The following TUBE1 variants were observed in gnomAD, a reference collection of about 807,000 sequenced individuals.
TUBE1 encodes tubulin epsilon chain.
Under a neutral mutation model 53.5 loss-of-function variants are expected in TUBE1, and 34 were observed. The ratio of observed to expected loss-of-function variants is 0.64; its 90% CI spans 0.48 to 0.85. The LOEUF is 0.85. Among genes scored for constraint, TUBE1 ranks in the 40% least tolerant of loss-of-function variants. TUBE1 has a pLI of 0.00. For synonymous variants in TUBE1, 177 were observed against 198.4 expected (o/e 0.89, Z 0.91); for missense variants, 532 against 570.5 (o/e 0.93, Z 0.69).
chr6:112,083,458 A>G (rs1219144393), intron 4 of TUBE1, among the ~76,000 whole-genome samples: 2 of 151,740 alleles, frequency 1.3e-5, no homozygotes, highest in East Asian at 1.9e-4. Flanking sequence ...AGCTAGGACT[A>G]CAGGTGCCCG....
At chr6:112,079,861 T>C (rs991726371) in intron 5 of TUBE1, 107 bp from the exon 6 acceptor site, 5 of 1,060,510 alleles carry the variant, frequency 4.7e-6, no homozygotes, top group Non-Finnish European at 6.8e-6. Flanking sequence ...AGTATTCTTA[T>C]TGAGCTAAGT....
intron 3 of TUBE1, 86 bp from the exon 4 acceptor site, chr6:112,084,332 T>C (rs1441446819): frequency 3.7e-6 from 4 of 1,093,940 alleles, no homozygotes. Flanking sequence ...TCCATTTATA[T>C]AATAAGACTG....
At chr6:112,084,014 T>A (rs587693894) in intron 4 of TUBE1, 175 bp downstream of exon 4, 3 of 597,738 alleles carry the variant, frequency 5.0e-6, no homozygotes, top group African/African-American at 3.7e-5. Context: ...GTATGGGCTT[T>A]TCCCCCTAAT....
At position 112,084,326 on chromosome 6, in the gene TUBE1, T is replaced by C. The variant is rs1777116429; in HGVS notation, c.153-80A>G. ...TATCAGGTGATAAAGTTAACTTCCA[T>C]TTATATAATAAGACTGCTTATAGGC... On this transcript the variant is annotated intron_variant, in intron 3 of 11. Transcript: ENST00000368662. 2.6e-6 allele frequency: 3 copies of C among 1,170,516 alleles called. No homozygotes were observed. The South Asian group carries it at 3.8e-5, about 15-fold the overall frequency. 72.5% of individuals were successfully genotyped at this position (1,170,516 alleles called of 1,614,324 possible).
intron 7 of TUBE1, 48 bp from the exon 8 acceptor site, chr6:112,076,160 G>A (rs782111131): frequency 6.5e-7 from 1 of 1,534,104 alleles, no homozygotes; most frequent in South Asian, 1.2e-5. Context: ...AAGAGTGGAT[G>A]TAGATGATAT....
intron 5 of TUBE1, among the ~76,000 whole-genome samples, 156 bp downstream of exon 5, chr6:112,080,936 G>C (rs1210282553): frequency 6.6e-6 from 1 of 151,996 alleles, no homozygotes; most frequent in Non-Finnish European, 1.5e-5. Flanking sequence ...GTAAATACAG[G>C]TGGCTTCCAA....
rs1303391047 is a variant in TUBE1 at position 112,070,934 on chromosome 6, T to C, written c.*478A>G. On this transcript the variant is annotated 3_prime_UTR_variant, in exon 12 of 12. Coordinates refer to ENST00000368662, the MANE Select transcript of TUBE1 (RefSeq NM_016262.5). ...AGAAGCAAAACCTCCTTAACAGTTG[T>C]AATAAAACCTATGCCTGAAAAGTTG... The C allele has an allele frequency of 6.6e-6, 1 of 152,176 alleles. No individual in the cohort carries two copies. The highest frequency in any genetic ancestry group is 2.4e-5 in the African/African-American group (1 of 41,466). 9.4% of individuals were successfully genotyped at this position (152,176 alleles called of 1,614,324 possible).
chr6:112,082,946 C>T (rs1032813897), intron 4 of TUBE1, among the ~76,000 whole-genome samples: 2 of 151,870 alleles, frequency 1.3e-5, no homozygotes, highest in Non-Finnish European at 2.9e-5. Flanking sequence ...AGTACCTTCT[C>T]GGAAAAAAAG....
Position 112,071,564 on chromosome 6 carries a change from G to C in TUBE1, c.1276C>G (p.Leu426Val). The C allele has an allele frequency of 6.2e-7, 1 of 1,603,660 alleles. No homozygotes were observed. Among genetic ancestry groups the C allele is most frequent in the East Asian group, 2.2e-5 (1 of 44,792 alleles). The change falls in exon 12 of 12, where the codon CTT (leucine) becomes GTT (valine). Residue 426 changes from leucine (L) to valine (V), a missense_variant. Coordinates refer to ENST00000368662, the MANE Select transcript of TUBE1 (RefSeq NM_016262.5). Reference sequence around the variant, plus strand: ...CCTTCAACTTGTAGATAGTGATGAAGGTGAGCCTATAAATTAAAAAATTAG... The same window carrying C: ...CCTTCAACTTGTAGATAGTGATGAACGTGAGCCTATAAATTAAAAAATTAG... ...FMRLYKKKAH[L>V]HHYLQVEGME...
At chr6:112,086,360 T>A (rs1453745599) in intron 3 of TUBE1, among the ~76,000 whole-genome samples, 196 bp downstream of exon 3, 1 of 152,194 alleles carries the variant, frequency 6.6e-6, no homozygotes, top group Admixed American at 6.5e-5. Flanking sequence ...GAAGTCACAC[T>A]AAAGGGAAAT....
intron 1 of TUBE1, 50 bp from the exon 2 acceptor site, chr6:112,087,356 C>T (rs1777182425): frequency 6.4e-7 from 1 of 1,551,444 alleles, no homozygotes; most frequent in Non-Finnish European, 8.7e-7. Context: ...AAGCAGGAAA[C>T]ATGGCCGCTG....
chr6:112,086,462 G>C, intron 3 of TUBE1, 94 bp downstream of exon 3: 1 of 810,564 alleles, frequency 1.2e-6, no homozygotes, highest in Non-Finnish European at 1.9e-6. Context: ...ACACAACTTC[G>C]CAGCTGGCTA....
At chr6:112,076,172 CT>C (rs775973114) in intron 7 of TUBE1, 60 bp from the exon 8 acceptor site, 50 of 1,508,422 alleles carry the variant, frequency 3.3e-5, no homozygotes, top group Admixed American at 1.9e-4. Flanking sequence ...AGATGATATT[CT>C]ACTAGGAAAG....
Position 112,087,106 on chromosome 6 carries a change from C to A in TUBE1, c.99+127G>T, listed in dbSNP as rs1432879226. 1.0e-5 allele frequency: 8 copies of A among 792,298 alleles called. No homozygotes were observed. In the Admixed American group the frequency reaches 1.8e-4, roughly 17 times the overall value. The allele number at this position is 792,298 out of a possible 1,614,324, so 49.1% of individuals were successfully genotyped here. ...GACGCAACATGTTTAAAAACCAGTA[C>A]GTTCTTTACTGGGAAGATCCCATGC... On this transcript the variant is annotated intron_variant, in intron 2 of 11. Transcript: ENST00000368662.
At chr6:112,081,888 T>A (rs1294577785) in intron 4 of TUBE1, among the ~76,000 whole-genome samples, 1 of 151,194 alleles carries the variant, frequency 6.6e-6, no homozygotes, top group African/African-American at 2.4e-5. Context: ...ACATGTCCCG[T>A]CCTCCCACTT....
intron 9 of TUBE1, among the ~76,000 whole-genome samples, chr6:112,074,508 T>C (rs1554315765): frequency 6.6e-6 from 1 of 152,118 alleles, no homozygotes; most frequent in Admixed American, 6.5e-5. Context: ...TAGATTTAAG[T>C]TCAAATAGTT....
rs1554317078 is a variant in TUBE1 at position 112,084,202 on chromosome 6, G to T, written c.197C>A (p.Ser66Tyr). The T allele has an allele frequency of 1.9e-6, 3 of 1,611,536 alleles. No individual in the cohort carries two copies. Among genetic ancestry groups the T allele is most frequent in the African/African-American group, 1.3e-5 (1 of 74,812 alleles). ...TATGTATCTTACTCGTGCTTTTAAA[G>T]AACATATTTTTCCCTTGGAAATACT... ...GGSISKGKICSLKARAVLIDM... is the reference protein window; with the variant it reads ...GGSISKGKICYLKARAVLIDM... Residue 66 changes from serine to tyrosine, a missense_variant, in exon 4 of 12, where the codon TCT (serine) becomes TAT (tyrosine). Physicochemically the swap from Ser to Tyr is moderately radical, Grantham distance 144 (BLOSUM62 -2). Coordinates refer to ENST00000368662, the MANE Select transcript of TUBE1 (RefSeq NM_016262.5).
At chr6:112,079,078 A>G (rs1554316397) in intron 6 of TUBE1, among the ~76,000 whole-genome samples, 1 of 152,090 alleles carries the variant, frequency 6.6e-6, no homozygotes, top group Non-Finnish European at 1.5e-5. Context: ...AAGCAATGCC[A>G]ATCATTTATT....
At chr6:112,085,161 T>G (rs1777128430) in intron 3 of TUBE1, among the ~76,000 whole-genome samples, 1 of 152,234 alleles carries the variant, frequency 6.6e-6, no homozygotes, top group African/African-American at 2.4e-5. Flanking sequence ...ATGCTGTAGG[T>G]AAATTCCTAT....
Sources: allele counts gnomAD v4.1 joint callset (sites outside exome capture counted in the v4.1 genomes callset), GRCh38; gene constraint gnomAD v4.1.1; transcripts MANE v1.5; gene names NCBI Gene and HGNC (gene_info 2026-07-23, HGNC 2026-07-21).